CNTNAP4: variants seen among roughly 807,000 people sequenced by gnomAD.
CNTNAP4 encodes contactin associated protein family member 4.
CNTNAP4 carries 98 observed loss-of-function variants against 148.4 expected under a neutral mutation model. The ratio of observed to expected loss-of-function variants is 0.66; its 90% CI spans 0.56 to 0.78. CNTNAP4 has a LOEUF of 0.78. Ranked by LOEUF, CNTNAP4 falls within the 30% of genes least tolerant of loss-of-function variation. CNTNAP4 has a pLI of 0.00. For missense variants in CNTNAP4, 1,935 were observed against 1,565.6 expected (o/e 1.24, Z -3.98); for synonymous variants, 730 against 565.1 (o/e 1.29, Z -4.14).
chr16:76,333,879 G>A (rs965797834), intron 2 of CNTNAP4, among the ~76,000 whole-genome samples: 5 of 143,910 alleles, frequency 3.5e-5, no homozygotes, highest in Admixed American at 7.5e-5. Context: ...CACCAACAGC[G>A]TAAAAGTGTT....
At chr16:76,466,366 A>G (rs2081176762) in intron 9 of CNTNAP4, among the ~76,000 whole-genome samples, 1 of 152,220 alleles carries the variant, frequency 6.6e-6, no homozygotes, top group Non-Finnish European at 1.5e-5. Context: ...AACTATAGTC[A>G]TTAATAATTG....
chr16:76,292,111 A>C (rs1307191324), intron 1 of CNTNAP4, among the ~76,000 whole-genome samples: 3 of 152,156 alleles, frequency 2.0e-5, no homozygotes, highest in Non-Finnish European at 4.4e-5. Flanking sequence ...TGGCTCCCTT[A>C]AGATTCTTGT....
At chr16:76,286,673 A>G (rs1269242170) in intron 1 of CNTNAP4, among the ~76,000 whole-genome samples, 5 of 152,184 alleles carry the variant, frequency 3.3e-5, no homozygotes, top group African/African-American at 1.2e-4. Flanking sequence ...GTAAAGTGAT[A>G]CGGGTGGCAA....
intron 3 of CNTNAP4, among the ~76,000 whole-genome samples, chr16:76,373,096 C>T (rs555366926): frequency 1.3e-5 from 2 of 151,936 alleles, no homozygotes; most frequent in South Asian, 4.2e-4. Context: ...TCTGATATTC[C>T]ACATAAATAT....
intron 3 of CNTNAP4, among the ~76,000 whole-genome samples, chr16:76,401,609 C>CT (rs1051523249): frequency 3.3e-5 from 5 of 152,078 alleles, no homozygotes; most frequent in African/African-American, 9.7e-5. Flanking sequence ...AGGGGGCATC[C>CT]TTGTCTTGTG....
At chr16:76,381,211 T>A (rs1317105020) in intron 3 of CNTNAP4, among the ~76,000 whole-genome samples, 1 of 152,218 alleles carries the variant, frequency 6.6e-6, no homozygotes, top group African/African-American at 2.4e-5. Flanking sequence ...TGTGTGTGTG[T>A]GAGTTGGCAT....
chr16:76,545,676 A>G (rs2084688485), intron 21 of CNTNAP4, among the ~76,000 whole-genome samples: 1 of 152,232 alleles, frequency 6.6e-6, no homozygotes, highest in African/African-American at 2.4e-5. Context: ...TCATACAATG[A>G]TAAAACAAGA....
chr16:76,279,455 A>G (rs114492084), intron 1 of CNTNAP4, among the ~76,000 whole-genome samples: 2,294 of 152,348 alleles, frequency 0.015, 52 homozygotes, highest in African/African-American at 0.051. Flanking sequence ...TCTTCTTAGA[A>G]AAGAAAAGGT....
chr16:76,359,714 A>G (rs1183553605), intron 3 of CNTNAP4, among the ~76,000 whole-genome samples: 1 of 152,238 alleles, frequency 6.6e-6, no homozygotes, highest in Non-Finnish European at 1.5e-5. Context: ...GCAAACAAAT[A>G]TTTTATGAAA....
intron 8 of CNTNAP4, among the ~76,000 whole-genome samples, chr16:76,457,625 A>G (rs1488794095): frequency 6.6e-6 from 1 of 152,146 alleles, no homozygotes; most frequent in African/African-American, 2.4e-5. Context: ...TACTCAAAGT[A>G]TGGGTCCTGG....
At chr16:76,367,004 C>T (rs2014219755) in intron 3 of CNTNAP4, among the ~76,000 whole-genome samples, 1 of 151,482 alleles carries the variant, frequency 6.6e-6, no homozygotes, top group Non-Finnish European at 1.5e-5. Context: ...AGTTAATTAG[C>T]AAAAACAATA....
intron 13 of CNTNAP4, among the ~76,000 whole-genome samples, chr16:76,494,099 T>C (rs1169128524): frequency 6.6e-6 from 1 of 151,138 alleles, no homozygotes; most frequent in South Asian, 2.1e-4. Flanking sequence ...TTTTTTTCCA[T>C]GATAGATTGG....
At chr16:76,281,058 T>C (rs1273114331) in intron 1 of CNTNAP4, among the ~76,000 whole-genome samples, 1 of 152,072 alleles carries the variant, frequency 6.6e-6, no homozygotes, top group Non-Finnish European at 1.5e-5. Flanking sequence ...TTTTCTCTGA[T>C]GGAAATAAAG....
chr16:76,452,798 A>C, intron 8 of CNTNAP4, 29 bp downstream of exon 8: 1 of 1,499,536 alleles, frequency 6.7e-7, no homozygotes, highest in South Asian at 1.4e-5. Flanking sequence ...GGGGCAAAGC[A>C]TATGGATTTG....
chr16:76,341,176 G>T (rs1964440728), intron 2 of CNTNAP4, among the ~76,000 whole-genome samples: 1 of 152,102 alleles, frequency 6.6e-6, no homozygotes, highest in Non-Finnish European at 1.5e-5. Flanking sequence ...AGCTCTCCCT[G>T]ACATCTTCCT....
chr16:76,306,560 A>G (rs1256663568), intron 1 of CNTNAP4, among the ~76,000 whole-genome samples: 1 of 152,248 alleles, frequency 6.6e-6, no homozygotes, highest in Non-Finnish European at 1.5e-5. Context: ...TGCTCAAGTC[A>G]GAGGATTTGA....
At chr16:76,455,353 C>G (rs147883117) in intron 8 of CNTNAP4, among the ~76,000 whole-genome samples, 2 of 152,320 alleles carry the variant, frequency 1.3e-5, no homozygotes, top group African/African-American at 4.8e-5. Flanking sequence ...TGGGCAGGGC[C>G]TGGCAGAGGC....
chr16:76,299,088 G>T (rs1347729853), intron 1 of CNTNAP4, among the ~76,000 whole-genome samples: 8 of 152,126 alleles, frequency 5.3e-5, no homozygotes, highest in Non-Finnish European at 1.0e-4. Flanking sequence ...ATAGGCATGG[G>T]CAAGGACTTC....
At chr16:76,344,038 A>G (rs1246744334) in intron 2 of CNTNAP4, among the ~76,000 whole-genome samples, 1 of 152,234 alleles carries the variant, frequency 6.6e-6, no homozygotes, top group East Asian at 1.9e-4. Flanking sequence ...AAGCATTTCT[A>G]GAATTGAATG....
Sources: allele counts gnomAD v4.1 joint callset (sites outside exome capture counted in the v4.1 genomes callset), GRCh38; gene constraint gnomAD v4.1.1; transcripts MANE v1.5; gene names NCBI Gene and HGNC (gene_info 2026-07-23, HGNC 2026-07-21).